Variants in SNX4 observed in about 807,000 individuals in gnomAD.
SNX4 encodes the protein sorting nexin 4, also known as sorting nexin-4.
Under a neutral mutation model 70.8 loss-of-function variants are expected in SNX4, and 49 were observed. The observed-to-expected ratio is 0.69, with a 90% CI of 0.55 to 0.88. The LOEUF (loss-of-function observed/expected upper bound fraction) is 0.88. Among genes scored for constraint, SNX4 ranks in the 40% least tolerant of loss-of-function variants. The pLI is 0.00. For missense variants in SNX4, 528 were observed against 544.8 expected, an observed-to-expected ratio of 0.97 and a Z score of 0.31; for synonymous variants, 206 against 183.8, an observed-to-expected ratio of 1.12 and a Z score of -0.98.
chr3:125,479,539 A>G (rs1345671539), intron 7 of SNX4, among the ~76,000 whole-genome samples: 2 of 151,834 alleles, frequency 1.3e-5, no homozygotes, highest in African/African-American at 2.4e-5. Flanking sequence ...TGGGTGACAG[A>G]GCGAGACTCC....
chr3:125,455,265 C>A (rs1396666382), intron 11 of SNX4, among the ~76,000 whole-genome samples: 3 of 152,064 alleles, frequency 2.0e-5, no homozygotes, highest in Non-Finnish European at 4.4e-5. Context: ...AAAACTTCCA[C>A]GTGAAATATT....
chr3:125,476,899 T>TC, intron 7 of SNX4, 143 bp from the exon 8 acceptor site: 2 of 554,158 alleles, frequency 3.6e-6, no homozygotes, highest in Non-Finnish European at 6.4e-6. Context: ...AAAAATCCCA[T>TC]CCCCCTAAAA....
At chr3:125,513,381 T>C (rs958660605) in intron 1 of SNX4, among the ~76,000 whole-genome samples, 7 of 152,252 alleles carry the variant, frequency 4.6e-5, no homozygotes, top group African/African-American at 1.7e-4. Flanking sequence ...CTTTGGTACC[T>C]TGTTATAGCA....
intron 1 of SNX4, among the ~76,000 whole-genome samples, chr3:125,506,958 T>C (rs1935059038): frequency 6.7e-6 from 1 of 149,598 alleles, no homozygotes; most frequent in African/African-American, 2.4e-5. Context: ...TCCCAGCACT[T>C]TGGGAGGCTG....
chr3:125,484,056 T>C (rs1254424658), intron 6 of SNX4, among the ~76,000 whole-genome samples: 1 of 152,174 alleles, frequency 6.6e-6, no homozygotes, highest in African/African-American at 2.4e-5. Flanking sequence ...GACATAAAAC[T>C]TCCCTCCTGA....
chr3:125,477,766 T>C (rs115181328), intron 7 of SNX4, among the ~76,000 whole-genome samples: 2,137 of 152,290 alleles, frequency 0.014, 41 homozygotes, highest in African/African-American at 0.046. Context: ...ACGTACCCAC[T>C]AGACTAGGGG....
chr3:125,500,168 C>T (rs1934895191), intron 2 of SNX4, among the ~76,000 whole-genome samples: 2 of 151,968 alleles, frequency 1.3e-5, no homozygotes, highest in South Asian at 4.1e-4. Context: ...GACCCCAAAA[C>T]TACCTCATTT....
At position 125,447,522 on chromosome 3, in the gene SNX4, A is replaced by C; in HGVS notation, c.*257T>G. The C allele has an allele frequency of 3.2e-6, 1 of 312,062 alleles. No individual in the cohort carries two copies. The highest frequency in any genetic ancestry group is 5.8e-6 in the Non-Finnish European group (1 of 173,876). The allele number at this position is 312,062 out of a possible 1,614,324, so 19.3% of individuals were successfully genotyped here. The stretch of plus-strand genomic sequence containing the variant: ...TCATTGGTTCAGAAGCGTGACAAAC[A>C]ATCTGTTGGTATATATTATTAAATT... On this transcript the variant is annotated 3_prime_UTR_variant, in exon 14 of 14. Coordinates refer to ENST00000251775, the MANE Select transcript of SNX4 (RefSeq NM_003794.4).
chr3:125,473,065 T>C (rs571077914), intron 8 of SNX4, among the ~76,000 whole-genome samples: 67 of 152,184 alleles, frequency 4.4e-4, no homozygotes, highest in Non-Finnish European at 9.4e-4. Context: ...TACATGTACA[T>C]GTGCAGGTTT....
At position 125,469,450 on chromosome 3, in the gene SNX4, T is replaced by C. The variant is rs766503901; in HGVS notation, c.854+4A>G. ...GGCTTCACAAAAGTTCTCGAGGTAC[T>C]TACACATCCATATGATGACCAGCAC... is the stretch of plus-strand genomic sequence containing the variant. On this transcript the variant is annotated splice_donor_region_variant and intron_variant, in intron 9 of 13. Coordinates refer to ENST00000251775, the MANE Select transcript of SNX4 (RefSeq NM_003794.4). 10 of 1,609,946 alleles carry C rather than the reference T, an allele frequency of 6.2e-6. No individual in the cohort carries two copies. Among genetic ancestry groups the C allele is most frequent in the Non-Finnish European group, 8.5e-6 (10 of 1,176,444 alleles).
chr3:125,455,091 G>A (rs1037828527), intron 11 of SNX4, among the ~76,000 whole-genome samples: 1 of 151,982 alleles, frequency 6.6e-6, no homozygotes, highest in African/African-American at 2.4e-5. Flanking sequence ...ACCACACCCA[G>A]CTAATTTTTA....
chr3:125,504,189 T>A (rs1048826094), intron 2 of SNX4, among the ~76,000 whole-genome samples: 2 of 151,982 alleles, frequency 1.3e-5, no homozygotes, highest in Non-Finnish European at 2.9e-5. Context: ...AAAAATTAGC[T>A]GGGTGTGGTA....
intron 1 of SNX4, among the ~76,000 whole-genome samples, chr3:125,510,321 G>A (rs186152299): frequency 1.5e-4 from 23 of 151,070 alleles, no homozygotes; most frequent in Non-Finnish European, 2.8e-4. Context: ...TCCGCCTTCC[G>A]GGTTCACGCC....
intron 1 of SNX4, among the ~76,000 whole-genome samples, chr3:125,506,817 T>TTAAA (rs199752160): frequency 3.7e-5 from 1 of 26,820 alleles, no homozygotes; most frequent in Non-Finnish European, 7.8e-5. Context: ...GTGGAGAAAG[T>TTAAA]AAAAAAAAAA....
In SNX4 at chr3:125,460,820, G is replaced by T; in HGVS notation, c.895C>A (p.His299Asn). 1.3e-6 allele frequency: 2 copies of T among 1,562,782 alleles called. No homozygotes were observed. Among genetic ancestry groups the T allele is most frequent in the Non-Finnish European group, 1.7e-6 (2 of 1,152,938 alleles). ...TACTCTTTTAACTGATCTGCATAAT[G>T]TTCTTCATCTTCCAAAATATCATCA... ...SIDDILEDEE[H>N]YADQLKEYLF... Residue 299 changes from histidine to asparagine, a missense_variant, in exon 10 of 14, where the codon CAT becomes AAT. Physicochemically the swap from His to Asn is moderately conservative, Grantham distance 68 (BLOSUM62 1). Transcript: ENST00000251775.
chr3:125,478,001 C>T (rs1337197265), intron 7 of SNX4, among the ~76,000 whole-genome samples: 2 of 152,000 alleles, frequency 1.3e-5, no homozygotes, highest in Non-Finnish European at 2.9e-5. Context: ...ACAGGTTGTC[C>T]CCAGACCTCT....
intron 8 of SNX4, among the ~76,000 whole-genome samples, chr3:125,470,526 C>T (rs534148811): frequency 6.7e-5 from 10 of 149,486 alleles, no homozygotes; most frequent in Admixed American, 2.7e-4. Flanking sequence ...ATTTTGTGTA[C>T]AATTTCAGAG....
rs778866647 is a variant in SNX4, at chr3:125,460,863, G to A, written c.855-3C>T. ...TATCATCAATAGAAGATGCATACCTGTTTTAAAAAAAAAAACACACATTGC... is the reference window on the plus strand; with the variant it reads ...TATCATCAATAGAAGATGCATACCTATTTTAAAAAAAAAAACACACATTGC... On this transcript the variant is annotated splice_polypyrimidine_tract_variant and splice_region_variant and intron_variant, in intron 9 of 13. Transcript: ENST00000251775. The A allele has an allele frequency of 1.5e-6, 2 of 1,359,616 alleles. No individual in the cohort carries two copies. The highest frequency in any genetic ancestry group is 1.4e-5 in the South Asian group (1 of 73,254). The allele number at this position is 1,359,616 out of a possible 1,614,324, so 84.2% of individuals were successfully genotyped here.
At chr3:125,484,241 T>C (rs1046328696) in intron 6 of SNX4, among the ~76,000 whole-genome samples, 11 of 152,240 alleles carry the variant, frequency 7.2e-5, no homozygotes, top group Non-Finnish European at 1.6e-4. Context: ...ATTACAGGCT[T>C]TATGCTTCCC....
Sources: gnomAD v4.1 joint callset for allele counts (sites outside exome capture counted in the v4.1 genomes callset) on GRCh38, gnomAD v4.1.1 for gene constraint, MANE v1.5 for transcripts, NCBI Gene and HGNC (gene_info 2026-07-23, HGNC 2026-07-21) for gene names.